Variants in UNC5C observed in about 807,000 individuals in gnomAD.
UNC5C encodes unc-5 netrin receptor C, also known as netrin receptor UNC5C.
A neutral mutation model predicts 99.8 loss-of-function variants in UNC5C; 47 were observed. That is an observed-to-expected ratio of 0.47 (90% CI 0.37 to 0.60). UNC5C has a LOEUF of 0.60. UNC5C is among the 20% of genes least tolerant of loss of function. UNC5C has a pLI of 0.00. For synonymous variants in UNC5C, 487 were observed against 452.2 expected (o/e 1.08, Z -0.98); for missense variants, 1,062 against 1,165.9 (o/e 0.91, Z 1.30).
chr4:95,270,977 A>G (rs1217957633), intron 4 of UNC5C, among the ~76,000 whole-genome samples: 1 of 152,240 alleles, frequency 6.6e-6, no homozygotes, highest in Non-Finnish European at 1.5e-5. Flanking sequence ...GTAGAAAAAT[A>G]CATGCTTTTT....
chr4:95,181,601 C>G (rs1330466220), intron 14 of UNC5C, among the ~76,000 whole-genome samples: 1 of 152,046 alleles, frequency 6.6e-6, no homozygotes, highest in Non-Finnish European at 1.5e-5. Context: ...GTGCTGTGTG[C>G]CTGGGAGATA....
chr4:95,283,384 G>C (rs373432993), intron 3 of UNC5C, among the ~76,000 whole-genome samples: 15 of 152,190 alleles, frequency 9.9e-5, no homozygotes, highest in Non-Finnish European at 2.1e-4. Context: ...CCCCTACAAG[G>C]CAATACTTCT....
chr4:95,364,611 C>G (rs1418219890), intron 1 of UNC5C, among the ~76,000 whole-genome samples: 1 of 152,142 alleles, frequency 6.6e-6, no homozygotes, highest in Non-Finnish European at 1.5e-5. Flanking sequence ...TGACCCAGAG[C>G]CCAGGCTCAA....
chr4:95,512,439 T>C (rs1224175843), intron 1 of UNC5C, among the ~76,000 whole-genome samples: 16 of 152,064 alleles, frequency 1.1e-4, no homozygotes, highest in Non-Finnish European at 1.8e-4. Context: ...TTTAACCCTC[T>C]TCTCCCAGAA....
intron 1 of UNC5C, among the ~76,000 whole-genome samples, chr4:95,439,812 G>A (rs182303044): frequency 1.8e-4 from 28 of 152,074 alleles, no homozygotes; most frequent in African/African-American, 5.6e-4. Context: ...ATGTCAGGGC[G>A]TGTATTGACC....
chr4:95,314,095 C>A (rs147470732), intron 2 of UNC5C, among the ~76,000 whole-genome samples: 187 of 152,246 alleles, frequency 1.2e-3, no homozygotes, highest in African/African-American at 3.4e-3. Flanking sequence ...ATTCTATTCA[C>A]AAAATTATCA....
In UNC5C at chr4:95,167,817, T is replaced by C. The variant is rs1305291171; in HGVS notation, c.*1417A>G. 2.0e-5 allele frequency: 3 copies of C among 152,166 alleles called. No homozygotes were observed. Among genetic ancestry groups the C allele is most frequent in the Non-Finnish European group, 4.4e-5 (3 of 68,026 alleles). 9.4% of individuals were successfully genotyped at this position (152,166 alleles called of 1,614,324 possible). A position where few individuals can be genotyped will look rare whatever the true frequency, so the allele number is the denominator to read the frequency against. ...GGGCAAAAGACCAGCTGATGATTTT[T>C]AAATGATGATCCAGGTCAGAGTCCA... On this transcript the variant is annotated 3_prime_UTR_variant, in exon 16 of 16. Transcript: ENST00000453304.
At chr4:95,543,296 G>T (rs1722963054) in intron 1 of UNC5C, among the ~76,000 whole-genome samples, 1 of 152,100 alleles carries the variant, frequency 6.6e-6, no homozygotes, top group Admixed American at 6.6e-5. Context: ...AATATAAAAT[G>T]CCCTACAAAT....
chr4:95,458,128 A>C (rs1747497468), intron 1 of UNC5C, among the ~76,000 whole-genome samples: 1 of 152,148 alleles, frequency 6.6e-6, no homozygotes, highest in Non-Finnish European at 1.5e-5. Flanking sequence ...TTACAAGGAA[A>C]TGAGGCTCCA....
At chr4:95,447,326 A>G (rs1199398567) in intron 1 of UNC5C, among the ~76,000 whole-genome samples, 1 of 152,182 alleles carries the variant, frequency 6.6e-6, no homozygotes, top group African/African-American at 2.4e-5. Context: ...TGTATCACAC[A>G]TTTTGCTTAA....
intron 2 of UNC5C, among the ~76,000 whole-genome samples, chr4:95,321,622 G>A (rs904989541): frequency 2.6e-5 from 4 of 152,110 alleles, no homozygotes; most frequent in African/African-American, 9.7e-5. Flanking sequence ...TGAAAAATAA[G>A]CTGAACTATA....
chr4:95,360,572 C>G (rs1244447718), intron 1 of UNC5C, among the ~76,000 whole-genome samples: 1 of 152,184 alleles, frequency 6.6e-6, no homozygotes, highest in Non-Finnish European at 1.5e-5. Flanking sequence ...TTCACTGTTC[C>G]TTATGAGCCA....
chr4:95,177,819 A>AGTCT (rs1158584302), intron 14 of UNC5C, among the ~76,000 whole-genome samples: 2 of 151,426 alleles, frequency 1.3e-5, no homozygotes, highest in Non-Finnish European at 1.5e-5. Flanking sequence ...CTCCCACCTC[A>AGTCT]GTCTCCCAAA....
At chr4:95,402,045 A>G (rs1745717115) in intron 1 of UNC5C, among the ~76,000 whole-genome samples, 1 of 152,196 alleles carries the variant, frequency 6.6e-6, no homozygotes, top group African/African-American at 2.4e-5. Context: ...TCACATATCA[A>G]TTATCTAGTT....
chr4:95,261,991 T>C (rs2149387007), intron 4 of UNC5C, among the ~76,000 whole-genome samples: 1 of 152,342 alleles, frequency 6.6e-6, no homozygotes, highest in African/African-American at 2.4e-5. Flanking sequence ...CATTAGCCAC[T>C]GCGCCCAGTC....
intron 4 of UNC5C, among the ~76,000 whole-genome samples, chr4:95,258,663 C>A (rs552133066): frequency 6.6e-6 from 1 of 151,320 alleles, no homozygotes; most frequent in South Asian, 2.1e-4. Flanking sequence ...AACAGTTACA[C>A]GGCAATATTA....
In UNC5C at chr4:95,182,899, C is replaced by T. The variant is rs1213619060; in HGVS notation, c.2449G>A (p.Glu817Lys). The change falls in exon 14 of 16, where the codon GAG (glutamate) becomes AAG (lysine). Residue 817 changes from glutamate to lysine, a missense_variant and splice_region_variant. Transcript: ENST00000453304. ...QIFQLNCTVS[E>K]EPTGIDLPLL... ...TCAGACAGACAGGAGCCACTTACCT[C>T]TGACACGGTGCAGTTGAGCTGGAAG... is the stretch of plus-strand genomic sequence containing the variant. 1 of 1,611,438 alleles carries T rather than the reference C, an allele frequency of 6.2e-7. No homozygotes were observed. The highest frequency in any genetic ancestry group is 8.5e-7 in the Non-Finnish European group (1 of 1,178,022).
At chr4:95,478,437 C>T (rs900639118) in intron 1 of UNC5C, among the ~76,000 whole-genome samples, 1 of 152,006 alleles carries the variant, frequency 6.6e-6, no homozygotes, top group Non-Finnish European at 1.5e-5. Context: ...AGATTCTAAA[C>T]GTTCTTCCAC....
At chr4:95,355,702 C>A (rs1235485502) in intron 1 of UNC5C, among the ~76,000 whole-genome samples, 1 of 152,066 alleles carries the variant, frequency 6.6e-6, no homozygotes, top group African/African-American at 2.4e-5. Flanking sequence ...GAAGTACAGA[C>A]TCCTAGAGTG....
Sources: gnomAD v4.1 joint callset for allele counts (sites outside exome capture counted in the v4.1 genomes callset) on GRCh38, gnomAD v4.1.1 for gene constraint, MANE v1.5 for transcripts, NCBI Gene and HGNC (gene_info 2026-07-23, HGNC 2026-07-21) for gene names.